Variants in LAMA2 observed in about 807,000 individuals in gnomAD.
The protein encoded by LAMA2 is laminin subunit alpha-2.
In LAMA2, 269 loss-of-function variants were observed where a neutral mutation model predicts 364.8. The ratio of observed to expected loss-of-function variants is 0.74; its 90% CI spans 0.67 to 0.82. LAMA2 has a LOEUF of 0.82. Among genes scored for constraint, LAMA2 ranks in the 40% least tolerant of loss-of-function variants. LAMA2 has a pLI of 0.00. For synonymous variants in LAMA2, 1,379 were observed against 1,370.6 expected (o/e 1.01, Z -0.14); for missense variants, 3,807 against 3,873.2 (o/e 0.98, Z 0.45).
intron 1 of LAMA2, among the ~76,000 whole-genome samples, chr6:128,917,176 T>TAAAAAAA (rs5879914): frequency 6.8e-6 from 1 of 146,946 alleles, no homozygotes. Context: ...AAGCCTTTTT[T>TAAAAAAA]AAAAAAAAAA....
intron 12 of LAMA2, among the ~76,000 whole-genome samples, chr6:129,209,821 A>G (rs1213287736): frequency 2.6e-5 from 4 of 151,754 alleles, no homozygotes; most frequent in Non-Finnish European, 5.9e-5. Context: ...GGCTAACACG[A>G]TGAAATCCCA....
At chr6:129,266,432 A>G (rs993009090) in intron 15 of LAMA2, among the ~76,000 whole-genome samples, 1 of 152,182 alleles carries the variant, frequency 6.6e-6, no homozygotes, top group Non-Finnish European at 1.5e-5. Context: ...AAAGTTACAG[A>G]AGAATGCCAT....
intron 1 of LAMA2, among the ~76,000 whole-genome samples, chr6:129,039,622 TGTTTGGCACCA>T (rs780044995): frequency 6.6e-5 from 10 of 152,228 alleles, no homozygotes; most frequent in Non-Finnish European, 1.5e-4. Context: ...GTGCTCAACC[TGTTTGGCACCA>T]GGGACCAGTT....
intron 1 of LAMA2, among the ~76,000 whole-genome samples, chr6:128,984,806 G>C (rs4897286): frequency 2.0e-5 from 3 of 152,042 alleles, no homozygotes; most frequent in Admixed American, 2.0e-4. Context: ...CTGAGGGAGT[G>C]TCAGCTACTG....
chr6:129,147,410 T>G (rs1778532493), intron 6 of LAMA2, among the ~76,000 whole-genome samples: 1 of 151,464 alleles, frequency 6.6e-6, no homozygotes, highest in Admixed American at 6.6e-5. Flanking sequence ...AATCAAAAAA[T>G]TAATGCAAAT....
intron 1 of LAMA2, among the ~76,000 whole-genome samples, chr6:129,036,886 T>C (rs76485545): frequency 6.6e-6 from 1 of 152,302 alleles, no homozygotes; most frequent in African/African-American, 2.4e-5. Flanking sequence ...ATTGGGCTGA[T>C]TTTCCAGTTC....
intron 4 of LAMA2, among the ~76,000 whole-genome samples, chr6:129,100,367 T>C (rs1185558966): frequency 1.3e-5 from 2 of 152,152 alleles, no homozygotes; most frequent in Non-Finnish European, 2.9e-5. Context: ...TTGTCACTCA[T>C]GGGGAAGTGA....
intron 15 of LAMA2, among the ~76,000 whole-genome samples, chr6:129,261,840 CT>C (rs1196353481): frequency 6.6e-6 from 1 of 152,032 alleles, no homozygotes; most frequent in African/African-American, 2.4e-5. Context: ...TATAGAAGTA[CT>C]TGCTTTTCCA....
chr6:129,132,809 C>A (rs1777570051), intron 4 of LAMA2, among the ~76,000 whole-genome samples: 1 of 152,090 alleles, frequency 6.6e-6, no homozygotes, highest in South Asian at 2.1e-4. Context: ...TAAATTATTT[C>A]TTTTAATCCA....
intron 17 of LAMA2, among the ~76,000 whole-genome samples, chr6:129,275,104 C>T (rs540271137): frequency 2.0e-5 from 3 of 152,000 alleles, no homozygotes; most frequent in African/African-American, 7.2e-5. Flanking sequence ...TTTGAGTTGA[C>T]CTTTGGGCTC....
In LAMA2 at chr6:129,353,182, T is replaced by G. The variant is rs1276524680; in HGVS notation, c.4542T>G (p.Thr1514=). Residue 1514 remains threonine, a synonymous_variant, in exon 32 of 65, where the codon ACT becomes ACG. Transcript: ENST00000421865. The part of the protein sequence containing the change: ...QYCERCAPGY[T]GSPGNPGGSC... Reference sequence around the variant, plus strand: ...AATTCAGGTGTGCCCCTGGCTATACTGGCAGTCCAGGCAACCCTGGAGGCT... The same window carrying G: ...AATTCAGGTGTGCCCCTGGCTATACGGGCAGTCCAGGCAACCCTGGAGGCT... 6 of 1,613,788 alleles carry G rather than the reference T, an allele frequency of 3.7e-6. No individual in the cohort carries two copies. Among genetic ancestry groups the G allele is most frequent in the Non-Finnish European group, 5.1e-6 (6 of 1,179,760 alleles).
intron 4 of LAMA2, among the ~76,000 whole-genome samples, chr6:129,136,496 T>C (rs1777798927): frequency 6.7e-6 from 1 of 149,822 alleles, no homozygotes; most frequent in Non-Finnish European, 1.5e-5. Context: ...CCAACTCTGA[T>C]ACAACATGAG....
At chr6:129,006,877 C>G (rs111975523) in intron 1 of LAMA2, among the ~76,000 whole-genome samples, 1 of 152,106 alleles carries the variant, frequency 6.6e-6, no homozygotes, top group Admixed American at 6.6e-5. Flanking sequence ...GCAGTGTACC[C>G]GCATGCTTTC....
chr6:129,086,925 A>G (rs1447554290), intron 3 of LAMA2, among the ~76,000 whole-genome samples: 1 of 152,202 alleles, frequency 6.6e-6, no homozygotes, highest in Non-Finnish European at 1.5e-5. Flanking sequence ...GGCTACCTGC[A>G]TCCTTTGGCT....
chr6:129,509,410 A>ACTC (rs1343203410), intron 62 of LAMA2, among the ~76,000 whole-genome samples: 5 of 151,996 alleles, frequency 3.3e-5, no homozygotes, highest in Non-Finnish European at 7.4e-5. Flanking sequence ...TGTGGGTATT[A>ACTC]CTCAGGAAGT....
chr6:128,943,483 G>T (rs1045595204), intron 1 of LAMA2, among the ~76,000 whole-genome samples: 35 of 151,952 alleles, frequency 2.3e-4, no homozygotes, highest in African/African-American at 7.0e-4. Flanking sequence ...GAAGAGACAG[G>T]GTTTTGCTGT....
intron 12 of LAMA2, among the ~76,000 whole-genome samples, chr6:129,233,690 G>A (rs994095863): frequency 5.3e-5 from 8 of 152,080 alleles, no homozygotes; most frequent in East Asian, 1.9e-4. Flanking sequence ...TAAATGGACC[G>A]GACTTGCACA....
At chr6:129,070,858 T>A (rs73773661) in intron 3 of LAMA2, among the ~76,000 whole-genome samples, 2 of 152,176 alleles carry the variant, frequency 1.3e-5, no homozygotes, top group African/African-American at 4.8e-5. Flanking sequence ...AAGTGAAGCA[T>A]GTACACAGAA....
chr6:129,387,698 C>T (rs1050855635), intron 35 of LAMA2, among the ~76,000 whole-genome samples: 1 of 152,194 alleles, frequency 6.6e-6, no homozygotes, highest in Non-Finnish European at 1.5e-5. Flanking sequence ...GGTACATATA[C>T]ACCATGGAAT....
Sources: gnomAD v4.1 joint callset for allele counts (sites outside exome capture counted in the v4.1 genomes callset) on GRCh38, gnomAD v4.1.1 for gene constraint, MANE v1.5 for transcripts, NCBI Gene and HGNC (gene_info 2026-07-23, HGNC 2026-07-21) for gene names.